NUPR1: variants seen among roughly 807,000 people sequenced by gnomAD.
NUPR1 encodes nuclear protein 1, transcriptional regulator.
NUPR1 carries 8 observed loss-of-function variants against 7.3 expected under a neutral mutation model. The observed-to-expected ratio is 1.09, with a 90% confidence interval of 0.64 to 1.97. The LOEUF (loss-of-function observed/expected upper bound fraction) is 1.97. Ranked by LOEUF, NUPR1 falls within the 30% of genes most tolerant of loss-of-function variation. The pLI, the probability that NUPR1 is intolerant of heterozygous loss-of-function variation, is 0.00. For missense variants in NUPR1, 96 were observed against 111.7 expected (o/e 0.86, Z 0.63); for synonymous variants, 39 against 44.5 (o/e 0.88, Z 0.49).
Position 28,537,962 on chromosome 16 carries a change from G to A in NUPR1, c.*13+44C>T. 2.0e-6 allele frequency: 3 copies of A among 1,518,786 alleles called. No individual in the cohort carries two copies. In the Admixed American group the frequency reaches 5.4e-5, roughly 27 times the overall value. The allele number at this position is 1,518,786 out of a possible 1,614,324, so 94.1% of individuals were successfully genotyped here. ...CACACCTTCCGGCCTGTCCTTCATG[G>A]CAGAAGCACCACCTTGAGCTCTCTG... On this transcript the variant is annotated intron_variant, in intron 2 of 2. Transcript: ENST00000324873.
At position 28,534,432 on chromosome 16, in the gene NUPR1, C is replaced by T. The variant is rs1361600952; in HGVS notation, c.*3251G>A. 2 of 152,272 alleles carry T rather than the reference C, an allele frequency of 1.3e-5. No individual in the cohort carries two copies. Among genetic ancestry groups the T allele is most frequent in the African/African-American group, 4.8e-5 (2 of 41,452 alleles). The allele number at this position is 152,272 out of a possible 1,614,324, so 9.4% of individuals were successfully genotyped here. On this transcript the variant is annotated 3_prime_UTR_variant, in exon 3 of 3. Transcript: ENST00000324873. Reference sequence around the variant, plus strand: ...TCCTTGGGTCCCCATGAACCACTGACTCCAAGTTCTGCAGTGTGGGGCTTA... The same window carrying T: ...TCCTTGGGTCCCCATGAACCACTGATTCCAAGTTCTGCAGTGTGGGGCTTA...
In NUPR1 at chr16:28,538,157, T is replaced by TGA; in HGVS notation, c.113-3_113-2insTC. On this transcript the variant is annotated splice_polypyrimidine_tract_variant and splice_region_variant and intron_variant, in intron 1 of 2. Coordinates refer to ENST00000324873, the MANE Select transcript of NUPR1 (RefSeq NM_012385.3). ...TGCGACCTTTCCGGCCTCCACCTCCTGTAACCAAGGCAGGAGTCAGAGGTG... is the reference window on the plus strand; with the variant it reads ...TGCGACCTTTCCGGCCTCCACCTCCTGAGTAACCAAGGCAGGAGTCAGAGGTG... The TGA allele has an allele frequency of 6.2e-7, 1 of 1,614,150 alleles. No homozygotes were observed. The highest frequency in any genetic ancestry group is 8.5e-7 in the Non-Finnish European group (1 of 1,180,036).
rs746681293 is a variant in NUPR1 at position 28,535,594 on chromosome 16, TTC to T, written c.*2087_*2088del. ...TTCCTTTCTTTCTTTCTTTCTTTCT[TTC>T]TTTCTTTCTTTCTTTCTTTCTTTCT... On this transcript the variant is annotated 3_prime_UTR_variant, in exon 3 of 3. Coordinates refer to ENST00000324873, the MANE Select transcript of NUPR1 (RefSeq NM_012385.3). The T allele has an allele frequency of 1.5e-4, 7 of 47,164 alleles. No homozygotes were observed. The highest frequency in any genetic ancestry group is 2.4e-4 in the Non-Finnish European group (7 of 28,774). 2.9% of individuals were successfully genotyped at this position (47,164 alleles called of 1,614,324 possible).
In NUPR1 at chr16:28,538,879, G is replaced by T; in HGVS notation, c.29C>A (p.Ala10Asp). MATFPPATS[A>D]PQQPPGPEDE... Reference sequence around the variant, plus strand: ...CTCCGGGCCTGGGGGCTGCTGGGGGGCGCTGGTTGCTGGTGGGAAGGTGGC... The same window carrying T: ...CTCCGGGCCTGGGGGCTGCTGGGGGTCGCTGGTTGCTGGTGGGAAGGTGGC... The change falls in exon 1 of 3, where the codon GCC (alanine) becomes GAC (aspartate). Residue 10 changes from alanine to aspartate, a missense_variant. Transcript: ENST00000324873. 3 of 1,613,302 alleles carry T rather than the reference G, an allele frequency of 1.9e-6. No homozygotes were observed. Among genetic ancestry groups the T allele is most frequent in the Non-Finnish European group, 2.5e-6 (3 of 1,179,818 alleles).
In NUPR1 at chr16:28,535,277, C is replaced by T. The variant is rs182357691; in HGVS notation, c.*2406G>A. ...TTCCTCCTTCCCTCCTTCCCTCCCT[C>T]CTTTCCTTCCTCTTTCTTTCCCTCC... On this transcript the variant is annotated 3_prime_UTR_variant, in exon 3 of 3. Coordinates refer to ENST00000324873, the MANE Select transcript of NUPR1 (RefSeq NM_012385.3). 2 of 152,088 alleles carry T rather than the reference C, an allele frequency of 1.3e-5. No homozygotes were observed. Among genetic ancestry groups the T allele is most frequent in the East Asian group, 3.9e-4 (2 of 5,172 alleles). 9.4% of individuals were successfully genotyped at this position (152,088 alleles called of 1,614,324 possible).
rs1363980896 is a variant in NUPR1 at position 28,532,955 on chromosome 16, C to G, written c.*4728G>C. On this transcript the variant is annotated 3_prime_UTR_variant, in exon 3 of 3. Coordinates refer to ENST00000324873, the MANE Select transcript of NUPR1 (RefSeq NM_012385.3). ...ATCGTAAGGATTAAATGGAGCAAAG[C>G]CTATAAAACACTTCTCACAGAATAG... 2 of 152,076 alleles carry G rather than the reference C, an allele frequency of 1.3e-5. No homozygotes were observed. The highest frequency in any genetic ancestry group is 6.6e-5 in the Admixed American group (1 of 15,252). The allele number at this position is 152,076 out of a possible 1,614,324, so 9.4% of individuals were successfully genotyped here.
chr16:28,537,982 T>G (rs1353970339), intron 2 of NUPR1, 24 bp downstream of exon 2: 1 of 1,584,824 alleles, frequency 6.3e-7, no homozygotes, highest in Non-Finnish European at 8.6e-7. Context: ...CACCTTGAGC[T>G]CTCTGGGCCC....
chr16:28,533,436 G>C lies in NUPR1; in HGVS notation c.*4247C>G, dbSNP rs1455612988. ...CACTCTGACGCCCAGGCTGGAGTGA[G>C]ATCATGGCTCACTGCAGCCTCCACC... is the stretch of plus-strand genomic sequence containing the variant. On this transcript the variant is annotated 3_prime_UTR_variant, in exon 3 of 3. Coordinates refer to ENST00000324873, the MANE Select transcript of NUPR1 (RefSeq NM_012385.3). The C allele has an allele frequency of 1.3e-5, 2 of 152,246 alleles. No homozygotes were observed. Among genetic ancestry groups the C allele is most frequent in the African/African-American group, 4.8e-5 (2 of 41,432 alleles). The allele number at this position is 152,246 out of a possible 1,614,324, so 9.4% of individuals were successfully genotyped here. A position where few individuals can be genotyped will look rare whatever the true frequency, so the allele number is the denominator to read the frequency against.
rs231975 is a variant in NUPR1 at position 28,535,930 on chromosome 16, C to T, written c.*1753G>A. On this transcript the variant is annotated 3_prime_UTR_variant, in exon 3 of 3. Transcript: ENST00000324873. ...CTTGGTATGTTGCCTAGGCTGGTCT[C>T]GAACTCCTGGCCTCAAGCGATCCTC... The T allele has an allele frequency of 0.1, 15,631 of 152,106 alleles. 901 individuals carry two copies. The highest frequency in any genetic ancestry group is 0.18 in the Middle Eastern group (54 of 296). The allele number at this position is 152,106 out of a possible 1,614,324, so 9.4% of individuals were successfully genotyped here.
In NUPR1 at chr16:28,535,608, C is replaced by CTTTTTT. The variant is rs374963225; in HGVS notation, c.*2074_*2075insAAAAAA. On this transcript the variant is annotated 3_prime_UTR_variant, in exon 3 of 3. Coordinates refer to ENST00000324873, the MANE Select transcript of NUPR1 (RefSeq NM_012385.3). ...TCTTTCTTTCTTTCTTTCTTTCTTT[C>CTTTTTT]TTTCTTTCTTTCTTCTCTTTCTCTC... 1.2e-4 allele frequency: 1 copy of CTTTTTT among 8,194 alleles called. No homozygotes were observed. Among genetic ancestry groups the CTTTTTT allele is most frequent in the Non-Finnish European group, 6.3e-4 (1 of 1,596 alleles). The allele number at this position is 8,194 out of a possible 1,614,324, so 0.5% of individuals were successfully genotyped here.
rs1226503755 is a variant in NUPR1, at chr16:28,532,933, G to A, written c.*4750C>T. 2.0e-5 allele frequency: 3 copies of A among 152,276 alleles called. No homozygotes were observed. The highest frequency in any genetic ancestry group is 2.1e-4 in the South Asian group (1 of 4,826). 9.4% of individuals were successfully genotyped at this position (152,276 alleles called of 1,614,324 possible). On this transcript the variant is annotated 3_prime_UTR_variant, in exon 3 of 3. Transcript: ENST00000324873. ...TAATAGTATGTCCTATTGGGTTATC[G>A]TAAGGATTAAATGGAGCAAAGCCTA... is the stretch of plus-strand genomic sequence containing the variant.
chr16:28,538,602 C>T (rs767821408), intron 1 of NUPR1, 194 bp downstream of exon 1: 12 of 681,380 alleles, frequency 1.8e-5, no homozygotes, highest in Admixed American at 4.1e-5. Flanking sequence ...CCCAGGAGTT[C>T]GAGGCTGCGG....
At position 28,535,575 on chromosome 16, in the gene NUPR1, T is replaced by TTTCTTTCTTTCCTTC. The variant is rs1244240251; in HGVS notation, c.*2107_*2108insGAAGGAAAGAAAGAA. On this transcript the variant is annotated 3_prime_UTR_variant, in exon 3 of 3. Coordinates refer to ENST00000324873, the MANE Select transcript of NUPR1 (RefSeq NM_012385.3). ...TCTTTCTTTCTTTCCTTCCTTCCTTTCTTTCTTTCTTTCTTTCTTTCTTTC... is the reference window on the plus strand; with the variant it reads ...TCTTTCTTTCTTTCCTTCCTTCCTTTTTCTTTCTTTCCTTCCTTTCTTTCTTTCTTTCTTTCTTTC... The TTTCTTTCTTTCCTTC allele has an allele frequency of 2.4e-5, 1 of 41,358 alleles. No individual in the cohort carries two copies. The highest frequency in any genetic ancestry group is 1.1e-4 in the African/African-American group (1 of 8,708). 2.6% of individuals were successfully genotyped at this position (41,358 alleles called of 1,614,324 possible). A position where few individuals can be genotyped will look rare whatever the true frequency, so the allele number is the denominator to read the frequency against.
In NUPR1 at chr16:28,538,814, G is replaced by A; in HGVS notation, c.94C>T (p.Leu32=). 6.2e-7 allele frequency: 1 copy of A among 1,611,948 alleles called. No individual in the cohort carries two copies. The highest frequency in any genetic ancestry group is 1.1e-5 in the South Asian group (1 of 91,014). ...GCCTTACCGAGGTAGGAATGGGCCA[G>A]GCTATAGAGGTCAGATTCATCCAGG... ...SSLDESDLYS[L]AHSYLGGGGR... The change falls in exon 1 of 3, where the codon CTG becomes TTG. Residue 32 remains leucine (L), a synonymous_variant. Transcript: ENST00000324873.
In NUPR1 at chr16:28,538,015, T is replaced by C; in HGVS notation, c.*4A>G. 1 of 1,611,212 alleles carries C rather than the reference T, an allele frequency of 6.2e-7. No individual in the cohort carries two copies. Among genetic ancestry groups the C allele is most frequent in the Non-Finnish European group, 8.5e-7 (1 of 1,178,102 alleles). On this transcript the variant is annotated 3_prime_UTR_variant, in exon 2 of 3. Coordinates refer to ENST00000324873, the MANE Select transcript of NUPR1 (RefSeq NM_012385.3). ...CCCCCCGACTCCTTACCTCCAGCTC[T>C]GTCTCAGCGCCGTGCCCCTCGCTTC...
chr16:28,534,128 A>G lies in NUPR1; in HGVS notation c.*3555T>C, dbSNP rs4788083. ...AGCCTGGGCGACAGAGAGAGACTCC[A>G]TCTCCCAAAACAAAACAAAAAAATT... On this transcript the variant is annotated 3_prime_UTR_variant, in exon 3 of 3. Transcript: ENST00000324873. 58,800 of 151,928 alleles carry G rather than the reference A, an allele frequency of 0.39. 11,913 individuals are homozygous for G. The highest frequency in any genetic ancestry group is 0.43 in the Admixed American group (6,531 of 15,232). The allele number at this position is 151,928 out of a possible 1,614,324, so 9.4% of individuals were successfully genotyped here.
chr16:28,538,513 G>A, intron 1 of NUPR1: 1 of 579,606 alleles, frequency 1.7e-6, no homozygotes. Flanking sequence ...AACATAGTGA[G>A]ACCCCATCTC....
At position 28,538,843 on chromosome 16, in the gene NUPR1, G is replaced by C; in HGVS notation, c.65C>G (p.Ser22Cys). The C allele has an allele frequency of 1.9e-6, 3 of 1,613,350 alleles. No individual in the cohort carries two copies. The highest frequency in any genetic ancestry group is 2.5e-6 in the Non-Finnish European group (3 of 1,179,794). ...QQPPGPEDED[S>C]SLDESDLYSL... ...ATAGAGGTCAGATTCATCCAGGCTGGAGTCCTCGTCCTCCGGGCCTGGGGG... is the reference window on the plus strand; with the variant it reads ...ATAGAGGTCAGATTCATCCAGGCTGCAGTCCTCGTCCTCCGGGCCTGGGGG... Residue 22 changes from serine to cysteine, a missense_variant, in exon 1 of 3, where the codon TCC (serine) becomes TGC (cysteine). Transcript: ENST00000324873.
At position 28,534,266 on chromosome 16, in the gene NUPR1, G is replaced by A. The variant is rs231976; in HGVS notation, c.*3417C>T. The A allele has an allele frequency of 2.0e-5, 3 of 151,786 alleles. No individual in the cohort carries two copies. Among genetic ancestry groups the A allele is most frequent in the South Asian group, 2.1e-4 (1 of 4,824 alleles). The allele number at this position is 151,786 out of a possible 1,614,324, so 9.4% of individuals were successfully genotyped here. A position where few individuals can be genotyped will look rare whatever the true frequency, so the allele number is the denominator to read the frequency against. On this transcript the variant is annotated 3_prime_UTR_variant, in exon 3 of 3. Coordinates refer to ENST00000324873, the MANE Select transcript of NUPR1 (RefSeq NM_012385.3). ...GCCAGAGGTCCTTAAATGTCCTTCC[G>A]GGTCATGGATTCATTCTGTGGCTGT...
Sources: gnomAD v4.1 joint callset for allele counts on GRCh38, gnomAD v4.1.1 for gene constraint, MANE v1.5 for transcripts, NCBI Gene and HGNC (gene_info 2026-07-23, HGNC 2026-07-21) for gene names.